The following PRKN variants were observed in gnomAD, a reference collection of about 807,000 sequenced individuals.
PRKN encodes parkin RBR E3 ubiquitin protein ligase.
PRKN carries 56 observed loss-of-function variants against 59.5 expected under a neutral mutation model. That is an observed-to-expected ratio of 0.94 (90% CI 0.76 to 1.18). The LOEUF is 1.18. PRKN is among the 50% of genes most tolerant of loss of function. The pLI, the probability that PRKN is intolerant of heterozygous loss-of-function variation, is 0.00. For synonymous variants in PRKN, 250 were observed against 222.1 expected (o/e 1.13, Z -1.12); for missense variants, 657 against 596.4 (o/e 1.10, Z -1.06).
intron 1 of PRKN, among the ~76,000 whole-genome samples, chr6:162,596,215 A>T (rs1781490155): frequency 6.6e-6 from 1 of 152,162 alleles, no homozygotes; most frequent in Admixed American, 6.5e-5. Context: ...TTCCCGTGAA[A>T]TTTTTGAAAT....
Position 161,800,380 on chromosome 6 carries a change from A to G in PRKN, c.735-14472T>C, listed in dbSNP as rs1010666293. ...AACATCCATGGGTTCATGGTTCTAAAAGTCACACCTTTCATATTACTTTAA... is the reference window on the plus strand; with the variant it reads ...AACATCCATGGGTTCATGGTTCTAAGAGTCACACCTTTCATATTACTTTAA... On this transcript the variant is annotated intron_variant, in intron 6 of 11. Coordinates refer to ENST00000366898, the MANE Select transcript of PRKN (RefSeq NM_004562.3). Among the ~76,000 whole-genome samples the G allele has an allele frequency of 1.4e-4, 21 of 152,206 alleles. 1 individual carries two copies. The highest frequency in any genetic ancestry group is 2.5e-4 in the Non-Finnish European group (17 of 68,036).
intron 2 of PRKN, among the ~76,000 whole-genome samples, chr6:162,334,315 C>A (rs1368632784): frequency 6.6e-6 from 1 of 152,176 alleles, no homozygotes; most frequent in Non-Finnish European, 1.5e-5. Flanking sequence ...GAGGAAAAGT[C>A]AATGCATGGC....
At chr6:162,149,398 C>T (rs1312363807) in intron 4 of PRKN, among the ~76,000 whole-genome samples, 1 of 152,000 alleles carries the variant, frequency 6.6e-6, no homozygotes, top group Non-Finnish European at 1.5e-5. Flanking sequence ...GTGTGCACTA[C>T]CACACCCAGT....
intron 7 of PRKN, among the ~76,000 whole-genome samples, chr6:161,745,782 C>T (rs368534603): frequency 6.8e-4 from 103 of 152,270 alleles, no homozygotes; most frequent in African/African-American, 2.5e-3. Flanking sequence ...TCTAACAGCC[C>T]GACTGGAAGA....
intron 1 of PRKN, among the ~76,000 whole-genome samples, chr6:162,559,974 T>C (rs944475693): frequency 1.3e-5 from 2 of 152,186 alleles, no homozygotes; most frequent in Non-Finnish European, 2.9e-5. Flanking sequence ...TTCTTCCATA[T>C]AAAATGAGTT....
chr6:162,725,714 G>C (rs1217494841), intron 1 of PRKN, among the ~76,000 whole-genome samples: 1 of 151,140 alleles, frequency 6.6e-6, no homozygotes, highest in Non-Finnish European at 1.5e-5. Context: ...AGTGAGCTGT[G>C]ATGGTGCCAC....
At chr6:161,827,661 C>A (rs1463353366) in intron 6 of PRKN, among the ~76,000 whole-genome samples, 1 of 151,758 alleles carries the variant, frequency 6.6e-6, no homozygotes, top group Non-Finnish European at 1.5e-5. Context: ...GTGTGTGCCA[C>A]CACACCGGGC....
At chr6:162,569,328 C>A in intron 1 of PRKN, 1 of 619,786 alleles carries the variant, frequency 1.6e-6, no homozygotes. Flanking sequence ...GATGCCAACA[C>A]CAAGCTGTCC....
chr6:162,067,949 T>C (rs1161657405), intron 4 of PRKN, among the ~76,000 whole-genome samples: 1 of 152,262 alleles, frequency 6.6e-6, no homozygotes, highest in Non-Finnish European at 1.5e-5. Flanking sequence ...TTTACTGTTT[T>C]ACCATGAACT....
chr6:162,321,820 T>C (rs1244463691), intron 2 of PRKN, among the ~76,000 whole-genome samples: 1 of 151,900 alleles, frequency 6.6e-6, no homozygotes, highest in Non-Finnish European at 1.5e-5. Flanking sequence ...TCTTATACAG[T>C]CCCACAGCAA....
chr6:162,648,870 A>G (rs1417978818), intron 1 of PRKN, among the ~76,000 whole-genome samples: 1 of 152,174 alleles, frequency 6.6e-6, no homozygotes, highest in Non-Finnish European at 1.5e-5. Context: ...TGTAGACATA[A>G]TTACCATCTG....
chr6:162,199,643 C>T, intron 4 of PRKN, among the ~76,000 whole-genome samples: 1 of 152,150 alleles, frequency 6.6e-6, no homozygotes, highest in Non-Finnish European at 1.5e-5. Context: ...CAGCATGCTG[C>T]CCGGCAGGAG....
At chr6:162,046,317 G>A (rs2128283297) in intron 5 of PRKN, among the ~76,000 whole-genome samples, 1 of 152,326 alleles carries the variant, frequency 6.6e-6, no homozygotes, top group South Asian at 2.1e-4. Flanking sequence ...ATATGTTGTA[G>A]TAATATGCAT....
At chr6:161,726,373 C>T (rs942640915) in intron 7 of PRKN, among the ~76,000 whole-genome samples, 1 of 152,184 alleles carries the variant, frequency 6.6e-6, no homozygotes, top group African/African-American at 2.4e-5. Flanking sequence ...AGTTGTTGCA[C>T]GTGGAAAAAA....
chr6:162,393,579 C>A (rs1401377220), intron 2 of PRKN, among the ~76,000 whole-genome samples: 4 of 152,172 alleles, frequency 2.6e-5, no homozygotes, highest in Non-Finnish European at 5.9e-5. Flanking sequence ...CTTATTTACT[C>A]TTACATAATA....
At chr6:162,472,281 T>C (rs1447479883) in intron 1 of PRKN, among the ~76,000 whole-genome samples, 1 of 151,574 alleles carries the variant, frequency 6.6e-6, no homozygotes, top group Non-Finnish European at 1.5e-5. Flanking sequence ...TGTATACATG[T>C]GCCATGTGGG....
At chr6:162,715,961 T>TC (rs1778704509) in intron 1 of PRKN, among the ~76,000 whole-genome samples, 1 of 152,222 alleles carries the variant, frequency 6.6e-6, no homozygotes, top group South Asian at 2.1e-4. Flanking sequence ...CCCTGCTTTA[T>TC]CACACAATGA....
intron 7 of PRKN, among the ~76,000 whole-genome samples, chr6:161,630,226 G>A (rs1475074892): frequency 6.6e-6 from 1 of 152,092 alleles, no homozygotes; most frequent in African/African-American, 2.4e-5. Context: ...ATTGAGCTTT[G>A]AAGGTCTGAC....
At chr6:162,215,937 G>A (rs902464770) in intron 3 of PRKN, among the ~76,000 whole-genome samples, 3 of 152,172 alleles carry the variant, frequency 2.0e-5, no homozygotes, top group Middle Eastern at 6.8e-3. Flanking sequence ...CAGCTACTTG[G>A]GAGACTGAGG....
Sources: gnomAD v4.1 joint callset for allele counts (sites outside exome capture counted in the v4.1 genomes callset) on GRCh38, gnomAD v4.1.1 for gene constraint, MANE v1.5 for transcripts, NCBI Gene and HGNC (gene_info 2026-07-23, HGNC 2026-07-21) for gene names.